Variants in BANP observed in about 807,000 individuals in gnomAD.
BANP encodes BTG3 associated nuclear protein, also known as protein BANP.
In BANP, 11 loss-of-function variants were observed where a neutral mutation model predicts 68.1. The ratio of observed to expected loss-of-function variants is 0.16; its 90% CI spans 0.10 to 0.27. BANP has a LOEUF of 0.27. Among genes scored for constraint, BANP ranks in the 10% least tolerant of loss-of-function variants. BANP has a pLI of 1.00. For synonymous variants in BANP, 329 were observed against 303.2 expected (o/e 1.09, Z -0.88); for missense variants, 504 against 722.7 (o/e 0.70, Z 3.47).
At chr16:88,015,863 C>T (rs2074423178) in intron 6 of BANP, among the ~76,000 whole-genome samples, 1 of 152,250 alleles carries the variant, frequency 6.6e-6, no homozygotes, top group African/African-American at 2.4e-5. Flanking sequence ...GGGCTGGGAG[C>T]CCACATTGAG....
At chr16:87,961,874 C>T (rs1356531809) in intron 1 of BANP, among the ~76,000 whole-genome samples, 4 of 152,128 alleles carry the variant, frequency 2.6e-5, no homozygotes, top group Admixed American at 2.0e-4. Context: ...TCTCATATCC[C>T]CACCAGCAGG....
At chr16:87,974,898 T>G in intron 1 of BANP, 150 bp from the exon 2 acceptor site, 1 of 553,204 alleles carries the variant, frequency 1.8e-6, no homozygotes, top group Non-Finnish European at 3.3e-6. Flanking sequence ...AAACTAACCT[T>G]TTGGGGGTTT....
chr16:87,965,903 G>A (rs2059930897), intron 1 of BANP, among the ~76,000 whole-genome samples: 1 of 152,156 alleles, frequency 6.6e-6, no homozygotes, highest in Admixed American at 6.5e-5. Context: ...AGGGCGGAGT[G>A]GACAGGAGAG....
intron 11 of BANP, among the ~76,000 whole-genome samples, chr16:88,050,474 T>A (rs2082993204): frequency 6.6e-6 from 1 of 152,110 alleles, no homozygotes; most frequent in Non-Finnish European, 1.5e-5. Context: ...GGTTTTAAAC[T>A]AATAGCTGTG....
At chr16:88,065,761 T>C (rs1322786812) in intron 12 of BANP, among the ~76,000 whole-genome samples, 1 of 152,108 alleles carries the variant, frequency 6.6e-6, no homozygotes, top group Non-Finnish European at 1.5e-5. Flanking sequence ...TCAGGGGAAC[T>C]GGGCTGGTGG....
chr16:88,062,634 G>C (rs1029477930), intron 11 of BANP, among the ~76,000 whole-genome samples: 23 of 152,226 alleles, frequency 1.5e-4, no homozygotes, highest in African/African-American at 5.5e-4. Flanking sequence ...TTCAAGTTCA[G>C]CCGCAGGCCA....
At chr16:88,043,895 T>G (rs893695834) in intron 11 of BANP, among the ~76,000 whole-genome samples, 3 of 92,158 alleles carry the variant, frequency 3.3e-5, no homozygotes, top group Admixed American at 2.8e-4. Flanking sequence ...AAAAAGCCCT[T>G]AAAAATTAAG....
At chr16:87,998,460 G>A (rs1010416944) in intron 4 of BANP, among the ~76,000 whole-genome samples, 2 of 152,236 alleles carry the variant, frequency 1.3e-5, no homozygotes, top group South Asian at 2.1e-4. Flanking sequence ...TGCCATCTGC[G>A]TGGGCTGCTG....
At chr16:88,037,740 T>G (rs2079710229) in intron 10 of BANP, 1 of 573,218 alleles carries the variant, frequency 1.7e-6, no homozygotes, top group African/African-American at 1.9e-5. Context: ...GGTAGGGGAA[T>G]GAGTACAATG....
chr16:88,056,354 A>C (rs2085011722), intron 11 of BANP, among the ~76,000 whole-genome samples: 2 of 152,140 alleles, frequency 1.3e-5, no homozygotes, highest in South Asian at 4.1e-4. Flanking sequence ...TGTCCCATTG[A>C]ATTTCTTGGG....
chr16:88,057,457 G>A lies in BANP; in HGVS notation c.1312-7810G>A, dbSNP rs559437980. On this transcript the variant is annotated intron_variant, in intron 11 of 13. Transcript: ENST00000682872. The surrounding 1 kb of genome is among the most constrained non-coding windows in gnomAD (Gnocchi z 4.6). ...GAGCCTTCTCCAGGGGGATGCCCTG[G>A]AGACTCTTGCGGTCCCCTCCACGTG... Among the ~76,000 whole-genome samples, 1 of 152,060 alleles carries A rather than the reference G, an allele frequency of 6.6e-6. No homozygotes were observed. Among genetic ancestry groups the A allele is most frequent in the Non-Finnish European group, 1.5e-5 (1 of 68,018 alleles).
intron 1 of BANP, among the ~76,000 whole-genome samples, chr16:87,958,283 T>G (rs147825661): frequency 6.6e-6 from 1 of 152,114 alleles, no homozygotes; most frequent in East Asian, 1.9e-4. Flanking sequence ...ATCAATTGAG[T>G]GGGCCATGGC....
At chr16:87,959,074 T>C (rs1190984024) in intron 1 of BANP, among the ~76,000 whole-genome samples, 1 of 151,716 alleles carries the variant, frequency 6.6e-6, no homozygotes, top group African/African-American at 2.4e-5. Flanking sequence ...CTTTGTGGAG[T>C]TCACTGATGG....
rs555314249 is a variant in BANP, at chr16:88,071,464, C to T, written c.1378-605C>T. The T allele has an allele frequency of 4.4e-6, 2 of 456,302 alleles. No homozygotes were observed. Among genetic ancestry groups the T allele is most frequent in the East Asian group, 7.0e-5 (1 of 14,384 alleles). The allele number at this position is 456,302 out of a possible 1,614,324, so 28.3% of individuals were successfully genotyped here. A position where few individuals can be genotyped will look rare whatever the true frequency, so the allele number is the denominator to read the frequency against. Reference sequence around the variant, plus strand: ...TCATTCCATACTCTGGGAGGCGGTACAAGGTCGGGAGGGCCAGCGGGGCTC... The same window carrying T: ...TCATTCCATACTCTGGGAGGCGGTATAAGGTCGGGAGGGCCAGCGGGGCTC... On this transcript the variant is annotated intron_variant, in intron 12 of 13. Coordinates refer to ENST00000682872, the MANE Select transcript of BANP (RefSeq NM_001386991.1). The surrounding 1 kb of genome is among the most constrained non-coding windows in gnomAD (Gnocchi z 6.5).
At chr16:88,044,574 A>G (rs566830291) in intron 11 of BANP, among the ~76,000 whole-genome samples, 1 of 152,272 alleles carries the variant, frequency 6.6e-6, no homozygotes, top group Non-Finnish European at 1.5e-5. Context: ...ATACTGGAAT[A>G]GATGATCGCT....
intron 4 of BANP, among the ~76,000 whole-genome samples, chr16:87,999,065 T>C (rs2068246847): frequency 7.6e-6 from 1 of 131,416 alleles, no homozygotes; most frequent in Admixed American, 7.6e-5. Context: ...TCCAGACACG[T>C]CTCCATGCAC....
At chr16:88,067,897 G>A (rs975192876) in intron 12 of BANP, among the ~76,000 whole-genome samples, 3 of 152,196 alleles carry the variant, frequency 2.0e-5, no homozygotes, top group Non-Finnish European at 4.4e-5. Context: ...TTGCCTTCCC[G>A]CAGTTACACG....
chr16:87,997,219 A>T, intron 4 of BANP, among the ~76,000 whole-genome samples: 1 of 152,206 alleles, frequency 6.6e-6, no homozygotes, highest in East Asian at 1.9e-4. Context: ...TCAGCCTCCC[A>T]AAGTGTTGGG....
At chr16:88,016,100 T>G (rs1397866318) in intron 6 of BANP, among the ~76,000 whole-genome samples, 1 of 152,202 alleles carries the variant, frequency 6.6e-6, no homozygotes, top group African/African-American at 2.4e-5. Context: ...CAGAACATTT[T>G]TAAAAATCCT....
Sources: allele counts gnomAD v4.1 joint callset (sites outside exome capture counted in the v4.1 genomes callset), GRCh38; gene constraint gnomAD v4.1.1; non-coding constraint Gnocchi (gnomAD v3.1); transcripts MANE v1.5; gene names NCBI Gene and HGNC (gene_info 2026-07-23, HGNC 2026-07-21).